Variants in UMAD1 observed in about 807,000 individuals in gnomAD.
UMAD1 encodes the protein UBAP1-MVB12-associated (UMA)-domain containing protein 1.
In UMAD1, 8 loss-of-function variants were observed where a neutral mutation model predicts 6.1. The observed-to-expected ratio is 1.30, with a 90% CI of 0.76 to 2.35. The LOEUF is 2.35. Ranked by LOEUF, UMAD1 falls within the 30% of genes most tolerant of loss-of-function variation. UMAD1 has a pLI of 0.00. For synonymous variants in UMAD1, 56 were observed against 31.4 expected, an observed-to-expected ratio of 1.78 and a Z score of -2.61; for missense variants, 130 against 78.4, an observed-to-expected ratio of 1.66 and a Z score of -2.49.
At chr7:7,811,922 G>A (rs189532331) in intron 3 of UMAD1, among the ~76,000 whole-genome samples, 196 of 152,120 alleles carry the variant, frequency 1.3e-3, no homozygotes, top group African/African-American at 4.6e-3. Context: ...TAGTCTATAG[G>A]TAATCTTGAC....
rs59221325 is a variant in UMAD1 at position 7,796,244 on chromosome 7, C to CTTTTTTTTTTTTTTTTTTTTTTTTTT, written c.83-5402_83-5401insTTTTTTTTTTTTTTTTTTTTTTTTTT. On this transcript the variant is annotated intron_variant, in intron 2 of 3. Coordinates refer to ENST00000682710, the MANE Select transcript of UMAD1 (RefSeq NM_001302348.2). Reference sequence around the variant, plus strand: ...ACTTTGACCCATTTCTATTTTCTTTCTTTTTTTTTTTTTTTTTTTTTTTTG... The same window carrying CTTTTTTTTTTTTTTTTTTTTTTTTTT: ...ACTTTGACCCATTTCTATTTTCTTTCTTTTTTTTTTTTTTTTTTTTTTTTTTTTTTTTTTTTTTTTTTTTTTTTTTG... Among the ~76,000 whole-genome samples the CTTTTTTTTTTTTTTTTTTTTTTTTTT allele has an allele frequency of 5.8e-4, 37 of 63,946 alleles. 7 individuals are homozygous for CTTTTTTTTTTTTTTTTTTTTTTTTTT. The highest frequency in any genetic ancestry group is 3.1e-3 in the African/African-American group (32 of 10,238). The allele number at this position is 63,946 out of a possible 152,430, so 42.0% of individuals were successfully genotyped here.
At chr7:7,681,313 A>G (rs1267301257) in intron 2 of UMAD1, among the ~76,000 whole-genome samples, 1 of 152,154 alleles carries the variant, frequency 6.6e-6, no homozygotes, top group Admixed American at 6.5e-5. Flanking sequence ...CAATTATTAG[A>G]TGGCATTGCA....
At chr7:7,875,445 A>G (rs1165555386) in intron 3 of UMAD1, among the ~76,000 whole-genome samples, 2 of 152,238 alleles carry the variant, frequency 1.3e-5, no homozygotes, top group African/African-American at 4.8e-5. Flanking sequence ...ACCATTAACC[A>G]GACTAGTAAA....
In UMAD1 at chr7:7,813,361, C is replaced by T. The variant is rs1490069585; in HGVS notation, c.156+11618C>T. 4.6e-5 allele frequency among the ~76,000 whole-genome samples: 7 copies of T among 152,218 alleles called. No individual in the cohort carries two copies. In the South Asian group the frequency reaches 1.2e-3, roughly 27 times the overall value. On this transcript the variant is annotated intron_variant, in intron 3 of 3. Transcript: ENST00000682710. ...CTGGGACTACAGGCATGCGACACCACGCCTGGCTAATTTTTGTATTTTTTA... is the reference window on the plus strand; with the variant it reads ...CTGGGACTACAGGCATGCGACACCATGCCTGGCTAATTTTTGTATTTTTTA...
At chr7:7,646,740 T>C (rs575056546) in intron 1 of UMAD1, among the ~76,000 whole-genome samples, 1 of 151,976 alleles carries the variant, frequency 6.6e-6, no homozygotes, top group East Asian at 1.9e-4. Context: ...CCATGGCCAA[T>C]CTCCTCTCTG....
chr7:7,684,901 A>G (rs1780005832), intron 2 of UMAD1, among the ~76,000 whole-genome samples: 1 of 152,190 alleles, frequency 6.6e-6, no homozygotes. Context: ...CTTATTCCAT[A>G]CAACATCTGT....
chr7:7,709,030 C>T (rs1252175702), intron 2 of UMAD1, among the ~76,000 whole-genome samples: 2 of 151,936 alleles, frequency 1.3e-5, no homozygotes, highest in Admixed American at 1.3e-4. Flanking sequence ...AAGAGGAAAA[C>T]AGTCCTAACT....
intron 3 of UMAD1, among the ~76,000 whole-genome samples, chr7:7,853,945 T>G (rs1000083508): frequency 6.6e-6 from 1 of 152,184 alleles, no homozygotes; most frequent in African/African-American, 2.4e-5. Context: ...AGCTTTGGTT[T>G]TCTATAGACA....
At chr7:7,790,976 C>T (rs751049082) in intron 2 of UMAD1, among the ~76,000 whole-genome samples, 3 of 152,252 alleles carry the variant, frequency 2.0e-5, no homozygotes, top group Admixed American at 2.0e-4. Flanking sequence ...CTGCAACCTC[C>T]GCCTCCCGGG....
At chr7:7,680,127 C>T (rs1160974148) in intron 2 of UMAD1, among the ~76,000 whole-genome samples, 1 of 152,096 alleles carries the variant, frequency 6.6e-6, no homozygotes, top group Non-Finnish European at 1.5e-5. Flanking sequence ...AGATTACTGT[C>T]CTGTAGCATT....
intron 1 of UMAD1, among the ~76,000 whole-genome samples, chr7:7,662,462 C>T (rs901002404): frequency 1.3e-5 from 2 of 152,240 alleles, no homozygotes; most frequent in Non-Finnish European, 2.9e-5. Flanking sequence ...CGGCGGGAAT[C>T]TCCTGGTCTG....
chr7:7,726,832 A>G (rs898805402), intron 2 of UMAD1, among the ~76,000 whole-genome samples: 1 of 152,174 alleles, frequency 6.6e-6, no homozygotes, highest in South Asian at 2.1e-4. Flanking sequence ...AAGGAGGGAG[A>G]TACAGTGTTG....
Position 7,769,191 on chromosome 7 carries a change from C to T in UMAD1, c.83-32479C>T, listed in dbSNP as rs536172416. On this transcript the variant is annotated intron_variant, in intron 2 of 3. Transcript: ENST00000682710. ...GATACTCATTTGTCTTTTAGGGTAA[C>T]ATGGTTAGGGAAATAGTTGTAGAGA... Among the ~76,000 whole-genome samples, 72 of 152,244 alleles carry T rather than the reference C, an allele frequency of 4.7e-4. No homozygotes were observed. The Middle Eastern group carries it at 0.01, about 22-fold the overall frequency.
chr7:7,741,449 T>C (rs891567368), intron 2 of UMAD1, among the ~76,000 whole-genome samples: 4 of 151,658 alleles, frequency 2.6e-5, no homozygotes, highest in Admixed American at 6.6e-5. Flanking sequence ...CGTGCGCCTG[T>C]AGTCGTAGTC....
At chr7:7,652,155 A>G (rs1425025925) in intron 1 of UMAD1, among the ~76,000 whole-genome samples, 1 of 152,180 alleles carries the variant, frequency 6.6e-6, no homozygotes, top group Non-Finnish European at 1.5e-5. Context: ...GTGGGGATGG[A>G]CAAAGTATTT....
chr7:7,654,752 A>G (rs1304078485), intron 1 of UMAD1, among the ~76,000 whole-genome samples: 1 of 151,954 alleles, frequency 6.6e-6, no homozygotes, highest in Admixed American at 6.5e-5. Context: ...AAAAATACAA[A>G]AATTAGCCAG....
chr7:7,842,004 G>A (rs1783690336), intron 3 of UMAD1, among the ~76,000 whole-genome samples: 1 of 152,072 alleles, frequency 6.6e-6, no homozygotes, highest in South Asian at 2.1e-4. Flanking sequence ...TGACAACATT[G>A]GACAATGACA....
intron 2 of UMAD1, among the ~76,000 whole-genome samples, chr7:7,679,831 C>G (rs1306137794): frequency 2.6e-5 from 4 of 151,188 alleles, no homozygotes; most frequent in South Asian, 2.1e-4. Context: ...TCCCAAAGTG[C>G]TGGGATTACA....
intron 2 of UMAD1, among the ~76,000 whole-genome samples, chr7:7,715,000 G>A (rs1393656750): frequency 6.6e-6 from 1 of 151,902 alleles, no homozygotes; most frequent in Admixed American, 6.6e-5. Flanking sequence ...GCCATAGGCA[G>A]CAATGAAACT....
Sources: allele counts gnomAD v4.1 joint callset (sites outside exome capture counted in the v4.1 genomes callset), GRCh38; gene constraint gnomAD v4.1.1; transcripts MANE v1.5; gene names NCBI Gene and HGNC (gene_info 2026-07-23, HGNC 2026-07-21).